FAT4: variants seen among roughly 807,000 people sequenced by gnomAD.
The protein encoded by FAT4 is protocadherin Fat 4.
FAT4 carries 84 observed loss-of-function variants against 303.9 expected under a neutral mutation model. The ratio of observed to expected loss-of-function variants is 0.28; its 90% CI spans 0.23 to 0.33. The LOEUF (loss-of-function observed/expected upper bound fraction) is 0.33, where lower values mean the gene tolerates loss of function less well. FAT4 is among the 10% of genes least tolerant of loss of function. FAT4 has a pLI of 1.00. For missense variants in FAT4, 6,005 were observed against 6,146.8 expected, an observed-to-expected ratio of 0.98 and a Z score of 0.77; for synonymous variants, 2,307 against 2,298.8, an observed-to-expected ratio of 1.00 and a Z score of -0.10.
chr4:125,389,006 T>A (rs2126004916), intron 2 of FAT4, among the ~76,000 whole-genome samples: 1 of 152,308 alleles, frequency 6.6e-6, no homozygotes, highest in African/African-American at 2.4e-5. Context: ...TAATTACTTT[T>A]GTTTGAGAAA....
intron 10 of FAT4, among the ~76,000 whole-genome samples, chr4:125,457,215 T>G (rs1483271939): frequency 6.6e-6 from 1 of 151,948 alleles, no homozygotes; most frequent in Non-Finnish European, 1.5e-5. Context: ...GTAAGTGGCT[T>G]ATGAGTTGAT....
intron 12 of FAT4, among the ~76,000 whole-genome samples, chr4:125,475,912 C>T (rs893816198): frequency 1.3e-5 from 2 of 151,888 alleles, no homozygotes; most frequent in African/African-American, 2.4e-5. Context: ...ACCTATAAAA[C>T]AGGGGAGCAG....
In FAT4 at chr4:125,421,721, G is replaced by A. The variant is rs148315436; in HGVS notation, c.7018+5099G>A. Among the ~76,000 whole-genome samples the A allele has an allele frequency of 2.5e-3, 382 of 151,616 alleles. 1 individual carries two copies. Among genetic ancestry groups the A allele is most frequent in the African/African-American group, 8.7e-3 (362 of 41,406 alleles). On this transcript the variant is annotated intron_variant, in intron 7 of 17. Transcript: ENST00000394329. ...GACATTAAGTGATGGTTTTTTTTTG[G>A]CCAGGAGGTTTCTTGGAGATGAGCC...
At position 125,321,768 on chromosome 4, in the gene FAT4, G is replaced by T. The variant is rs530756499; in HGVS notation, c.5175+182G>T. On this transcript the variant is annotated intron_variant, in intron 2 of 17. Coordinates refer to ENST00000394329, the MANE Select transcript of FAT4 (RefSeq NM_001291303.3). ...TACATAAACTTTAGTTTTAATCTTGGTTGCAACTAAACAACAAACTTTCTT... is the reference window on the plus strand; with the variant it reads ...TACATAAACTTTAGTTTTAATCTTGTTTGCAACTAAACAACAAACTTTCTT... Among the ~76,000 whole-genome samples, 3 of 152,192 alleles carry T rather than the reference G, an allele frequency of 2.0e-5. No homozygotes were observed. The South Asian group carries it at 6.2e-4, about 32-fold the overall frequency.
rs979193996 is a variant in FAT4, at chr4:125,406,579, C to T, written c.5308-301C>T. Among the ~76,000 whole-genome samples the T allele has an allele frequency of 2.0e-5, 3 of 152,106 alleles. 1 individual carries two copies. Among genetic ancestry groups the T allele is most frequent in the Non-Finnish European group, 4.4e-5 (3 of 68,020 alleles). ...TAAATTGTATTGAATTTGTAAATTG[C>T]ATAGATAACATGGACATTTTAACAA... On this transcript the variant is annotated intron_variant, in intron 3 of 17. Coordinates refer to ENST00000394329, the MANE Select transcript of FAT4 (RefSeq NM_001291303.3).
Position 125,404,688 on chromosome 4 carries a change from A to G in FAT4, c.5308-2192A>G, listed in dbSNP as rs567129632. Among the ~76,000 whole-genome samples the G allele has an allele frequency of 7.2e-5, 11 of 152,256 alleles. No homozygotes were observed. The East Asian group carries it at 1.5e-3, about 21-fold the overall frequency. The stretch of plus-strand genomic sequence containing the variant: ...TAGATCTAGAAATTATTCCTCTTGC[A>G]TAAGTGAAGATGTATACCCATGGCT... On this transcript the variant is annotated intron_variant, in intron 3 of 17. Coordinates refer to ENST00000394329, the MANE Select transcript of FAT4 (RefSeq NM_001291303.3).
intron 10 of FAT4, among the ~76,000 whole-genome samples, chr4:125,459,338 G>T (rs1211689264): frequency 6.6e-6 from 1 of 151,914 alleles, no homozygotes; most frequent in Non-Finnish European, 1.5e-5. Context: ...AAGACCATAG[G>T]TGATTACAAT....
Position 125,468,518 on chromosome 4 carries a change from T to C in FAT4, c.11912T>C (p.Phe3971Ser). 3 of 1,524,368 alleles carry C rather than the reference T, an allele frequency of 2.0e-6. No homozygotes were observed. Among genetic ancestry groups the C allele is most frequent in the Non-Finnish European group, 2.7e-6 (3 of 1,126,698 alleles). 94.4% of individuals were successfully genotyped at this position (1,524,368 alleles called of 1,614,324 possible). ...SYYCHCPFGV[F>S]GKHCELNSYG... ...TCAATTTTCCCTCCAACAGGTGTCT[T>C]TGGAAAACACTGCGAGTTGAACAGT... The change falls in exon 12 of 18, where the codon TTT becomes TCT. Residue 3971 changes from phenylalanine to serine, a missense_variant. Phe to Ser is a radical substitution (Grantham distance 155, BLOSUM62 -2). Coordinates refer to ENST00000394329, the MANE Select transcript of FAT4 (RefSeq NM_001291303.3).
chr4:125,434,115 C>T, intron 7 of FAT4, 130 bp from the exon 8 acceptor site: 1 of 729,218 alleles, frequency 1.4e-6, no homozygotes, highest in Non-Finnish European at 2.2e-6. Context: ...CACTCAATCA[C>T]TTATGTGTTC....
chr4:125,332,867 T>C (rs1731439263), intron 2 of FAT4, among the ~76,000 whole-genome samples: 1 of 152,134 alleles, frequency 6.6e-6, no homozygotes, highest in African/African-American at 2.4e-5. Flanking sequence ...GACAGAAAAG[T>C]ATTTTCTTAC....
In FAT4 at chr4:125,393,258, G is replaced by A. The variant is rs1200363479; in HGVS notation, c.5176-5526G>A. 2.0e-5 allele frequency among the ~76,000 whole-genome samples: 3 copies of A among 152,120 alleles called. No individual in the cohort carries two copies. The East Asian group carries it at 5.8e-4, about 29-fold the overall frequency. ...TTGATTTAAGCTGCAGAGAGGATAT[G>A]CATTTAAGAATATGTTTAGAATTGT... On this transcript the variant is annotated intron_variant, in intron 2 of 17. Coordinates refer to ENST00000394329, the MANE Select transcript of FAT4 (RefSeq NM_001291303.3).
chr4:125,459,184 CA>C (rs1726396627), intron 10 of FAT4, among the ~76,000 whole-genome samples: 1 of 151,924 alleles, frequency 6.6e-6, no homozygotes, highest in African/African-American at 2.4e-5. Flanking sequence ...TTGAAGGCTA[CA>C]TGTATCATAG....
At position 125,344,118 on chromosome 4, in the gene FAT4, G is replaced by A. The variant is rs1485809078; in HGVS notation, c.5175+22532G>A. On this transcript the variant is annotated intron_variant, in intron 2 of 17. Coordinates refer to ENST00000394329, the MANE Select transcript of FAT4 (RefSeq NM_001291303.3). ...AGAATGCAAAAAGTTGCTGATGAAT[G>A]TTGAGCAATGCTGTAAGTTTTCCAA... is the stretch of plus-strand genomic sequence containing the variant. Among the ~76,000 whole-genome samples the A allele has an allele frequency of 3.3e-5, 5 of 152,182 alleles. No individual in the cohort carries two copies. In the East Asian group the frequency reaches 9.6e-4, roughly 29 times the overall value.
intron 7 of FAT4, among the ~76,000 whole-genome samples, chr4:125,422,488 A>G (rs899772376): frequency 6.6e-6 from 1 of 152,032 alleles, no homozygotes; most frequent in South Asian, 2.1e-4. Flanking sequence ...TATGAGATCT[A>G]ATGGTTTTAT....
intron 3 of FAT4, among the ~76,000 whole-genome samples, chr4:125,404,725 G>T (rs1213229150): frequency 6.6e-6 from 1 of 152,028 alleles, no homozygotes; most frequent in Non-Finnish European, 1.5e-5. Context: ...ATAAGCTCCT[G>T]ATTTCTCCCT....
At chr4:125,385,026 T>TTC in intron 2 of FAT4, among the ~76,000 whole-genome samples, 1 of 52,878 alleles carries the variant, frequency 1.9e-5, no homozygotes, top group East Asian at 4.2e-4. Flanking sequence ...ATATATATAT[T>TTC]TTTTTTTTTT....
intron 2 of FAT4, among the ~76,000 whole-genome samples, chr4:125,349,730 G>C (rs182651365): frequency 6.6e-6 from 1 of 151,538 alleles, no homozygotes; most frequent in African/African-American, 2.4e-5. Flanking sequence ...CATTTTGCTT[G>C]ACATTCGTAT....
At position 125,491,056 on chromosome 4, in the gene FAT4, A is replaced by T. The variant is rs1355384501; in HGVS notation, c.14240A>T (p.Tyr4747Phe). The T allele has an allele frequency of 1.2e-6, 2 of 1,614,208 alleles. No homozygotes were observed. The highest frequency in any genetic ancestry group is 8.5e-7 in the Non-Finnish European group (1 of 1,180,038). ...GDTCQPGIFN[Y>F]ATRLGRRSKS... ...ACCTGCCAACCTGGCATTTTCAACT[A>T]TGCCACAAGGCTGGGAAGGAGAAGC... Residue 4747 changes from tyrosine (Y) to phenylalanine (F), a missense_variant, in exon 18 of 18, where the codon TAT (tyrosine) becomes TTT (phenylalanine). Physicochemically the swap from Tyr to Phe is conservative, Grantham distance 22. Coordinates refer to ENST00000394329, the MANE Select transcript of FAT4 (RefSeq NM_001291303.3).
rs375135816 is a variant in FAT4, at chr4:125,491,119, C to A, written c.14303C>A (p.Pro4768Gln). 1 of 1,614,010 alleles carries A rather than the reference C, an allele frequency of 6.2e-7. No homozygotes were observed. The highest frequency in any genetic ancestry group is 1.3e-5 in the African/African-American group (1 of 74,938). The change falls in exon 18 of 18, where the codon CCA (proline) becomes CAA (glutamine). Residue 4768 changes from proline to glutamine, a missense_variant. Transcript: ENST00000394329. ...PQAMASHGSR[P>Q]GSRLKQPIGQ... is the part of the protein sequence containing the mutation. The stretch of plus-strand genomic sequence containing the variant: ...GCCATGGCATCACATGGTTCTAGAC[C>A]AGGGAGTCGCCTAAAGCAGCCGATT...
Sources: allele counts gnomAD v4.1 joint callset (sites outside exome capture counted in the v4.1 genomes callset), GRCh38; gene constraint gnomAD v4.1.1; transcripts MANE v1.5; gene names NCBI Gene and HGNC (gene_info 2026-07-23, HGNC 2026-07-21).